The following CDC40 variants were observed in gnomAD, a reference collection of about 807,000 sequenced individuals.
CDC40 encodes the protein cell division cycle 40.
Under a neutral mutation model 80.6 loss-of-function variants are expected in CDC40, and 27 were observed. The ratio of observed to expected loss-of-function variants is 0.33; its 90% confidence interval spans 0.25 to 0.46. The LOEUF (loss-of-function observed/expected upper bound fraction) is 0.46, where lower values mean the gene tolerates loss of function less well. Among genes scored for constraint, CDC40 ranks in the 20% least tolerant of loss-of-function variants. CDC40 has a pLI of 1.00. For missense variants in CDC40, 486 were observed against 694.1 expected (o/e 0.70, Z 3.37); for synonymous variants, 221 against 232.6 (o/e 0.95, Z 0.45).
intron 1 of CDC40, among the ~76,000 whole-genome samples, chr6:110,181,713 G>T (rs1777197587): frequency 6.6e-6 from 1 of 151,974 alleles, no homozygotes; most frequent in South Asian, 2.1e-4. Context: ...CTCTCTTTTT[G>T]TCTTCGTCTC....
At chr6:110,187,847 G>T (rs140274943) in intron 1 of CDC40, among the ~76,000 whole-genome samples, 138 of 152,274 alleles carry the variant, frequency 9.1e-4, no homozygotes, top group Middle Eastern at 6.8e-3. Context: ...TTTAATTTTT[G>T]TGGATAATTG....
At chr6:110,198,264 G>A (rs1467269489) in intron 2 of CDC40, among the ~76,000 whole-genome samples, 6 of 149,576 alleles carry the variant, frequency 4.0e-5, no homozygotes, top group South Asian at 2.1e-4. Flanking sequence ...TACAACCTCC[G>A]TCTCCTGAGT....
chr6:110,210,175 G>T (rs1159402563), intron 5 of CDC40, among the ~76,000 whole-genome samples: 1 of 151,376 alleles, frequency 6.6e-6, no homozygotes, highest in African/African-American at 2.4e-5. Context: ...TTTGAAAACT[G>T]ATTTTATATA....
Position 110,219,801 on chromosome 6 carries a change from T to C in CDC40, c.1272T>C (p.Ile424=). 6.2e-7 allele frequency: 1 copy of C among 1,614,072 alleles called. No individual in the cohort carries two copies. The highest frequency in any genetic ancestry group is 8.5e-7 in the Non-Finnish European group (1 of 1,179,958). Residue 424 remains isoleucine, a synonymous_variant, in exon 12 of 15, where the codon ATT becomes ATC. Transcript: ENST00000307731. The stretch of plus-strand genomic sequence containing the variant: ...GGCATTTGGGAGCTGTCAACACCAT[T>C]GTTTTTGTGGATGAGAATAGGAGAT... ...YDRHLGAVNT[I]VFVDENRRFV... is the part of the protein sequence containing the mutation.
At chr6:110,191,740 C>T (rs1228206174) in intron 1 of CDC40, among the ~76,000 whole-genome samples, 1 of 152,104 alleles carries the variant, frequency 6.6e-6, no homozygotes, top group Non-Finnish European at 1.5e-5. Flanking sequence ...AAAGTGAGCA[C>T]AGGCATAGTG....
At chr6:110,210,307 T>C (rs1457840857) in intron 5 of CDC40, among the ~76,000 whole-genome samples, 1 of 151,886 alleles carries the variant, frequency 6.6e-6, no homozygotes, top group African/African-American at 2.4e-5. Context: ...CCCAGCACTT[T>C]GGGAGGCCGA....
intron 1 of CDC40, among the ~76,000 whole-genome samples, chr6:110,189,236 A>T (rs1584061234): frequency 6.6e-6 from 1 of 152,278 alleles, no homozygotes; most frequent in East Asian, 1.9e-4. Flanking sequence ...AGTGTTGTTA[A>T]ATTCTTTTTT....
intron 1 of CDC40, among the ~76,000 whole-genome samples, chr6:110,183,779 G>GT (rs1289049283): frequency 2.0e-5 from 3 of 152,098 alleles, no homozygotes; most frequent in Non-Finnish European, 2.9e-5. Context: ...TTTAATCTAT[G>GT]TTTTTTCCGA....
chr6:110,211,895 G>C, intron 6 of CDC40: 1 of 425,746 alleles, frequency 2.3e-6, no homozygotes, highest in Non-Finnish European at 4.2e-6. Flanking sequence ...ATTATCTAAA[G>C]GTCTATAATC....
At chr6:110,190,299 C>T (rs974699343) in intron 1 of CDC40, among the ~76,000 whole-genome samples, 6 of 152,112 alleles carry the variant, frequency 3.9e-5, no homozygotes, top group Admixed American at 1.3e-4. Context: ...GCACAGAAAG[C>T]ATCAAAGTGC....
chr6:110,226,130 A>C (rs1180669292), intron 12 of CDC40, 37 bp from the exon 13 acceptor site: 1 of 1,124,970 alleles, frequency 8.9e-7, no homozygotes, highest in South Asian at 1.3e-5. Context: ...TACTTTTTAA[A>C]AGTTGCTTAT....
At chr6:110,219,606 C>CT in intron 11 of CDC40, 127 bp downstream of exon 11, 2 of 1,229,150 alleles carry the variant, frequency 1.6e-6, no homozygotes, top group Non-Finnish European at 2.3e-6. Context: ...ATGCACCATT[C>CT]TTAGCAGAAA....
At chr6:110,203,323 A>G (rs1004164924) in intron 3 of CDC40, among the ~76,000 whole-genome samples, 1 of 152,206 alleles carries the variant, frequency 6.6e-6, no homozygotes, top group Non-Finnish European at 1.5e-5. Context: ...TTCTGATAGT[A>G]ATTCCTATAC....
At chr6:110,189,231 T>C (rs1189053291) in intron 1 of CDC40, among the ~76,000 whole-genome samples, 2 of 152,222 alleles carry the variant, frequency 1.3e-5, no homozygotes, top group Non-Finnish European at 2.9e-5. Flanking sequence ...ATGTTAGTGT[T>C]GTTAAATTCT....
At chr6:110,209,312 G>C in intron 5 of CDC40, 89 bp downstream of exon 5, 4 of 1,223,724 alleles carry the variant, frequency 3.3e-6, no homozygotes, top group Non-Finnish European at 4.7e-6. Flanking sequence ...GATTTCTTTA[G>C]AGAACCAAAT....
intron 1 of CDC40, among the ~76,000 whole-genome samples, chr6:110,184,035 T>C (rs549679814): frequency 8.8e-4 from 134 of 152,354 alleles, no homozygotes; most frequent in Non-Finnish European, 2.6e-4. Flanking sequence ...TATTCCTTTA[T>C]GTATCGGGTT....
intron 14 of CDC40, among the ~76,000 whole-genome samples, chr6:110,229,404 T>C (rs1309500774): frequency 6.6e-6 from 1 of 152,172 alleles, no homozygotes; most frequent in Non-Finnish European, 1.5e-5. Context: ...AAATCCAGCT[T>C]TTGAATATTT....
Position 110,230,040 on chromosome 6 carries a change from A to G in CDC40, c.1649A>G (p.Asp550Gly), listed in dbSNP as rs760888461. ...TKLYSRFKAH[D>G]KVCIGAVWHP... ...CTCTACAGTCGATTTAAAGCTCATG[A>G]TAAAGTGTGTATAGGTGCAGTGTGG... Residue 550 changes from aspartate (D) to glycine (G), a missense_variant, in exon 15 of 15, where the codon GAT (aspartate) becomes GGT (glycine). Asp to Gly is a moderately conservative substitution (Grantham distance 94, BLOSUM62 -1). Transcript: ENST00000307731. The G allele has an allele frequency of 9.9e-6, 16 of 1,612,332 alleles. No homozygotes were observed. In the South Asian group the frequency reaches 1.8e-4, roughly 18 times the overall value.
chr6:110,213,923 T>G (rs147671378), intron 8 of CDC40, among the ~76,000 whole-genome samples: 1 of 152,104 alleles, frequency 6.6e-6, no homozygotes, highest in Non-Finnish European at 1.5e-5. Flanking sequence ...TTGAAAAAAA[T>G]TTTGAATCTG....
Sources: gnomAD v4.1 joint callset for allele counts (sites outside exome capture counted in the v4.1 genomes callset) on GRCh38, gnomAD v4.1.1 for gene constraint, MANE v1.5 for transcripts, NCBI Gene and HGNC (gene_info 2026-07-23, HGNC 2026-07-21) for gene names.